The following AMBRA1 variants were observed in gnomAD, a reference collection of about 807,000 sequenced individuals.
The protein encoded by AMBRA1 is autophagy and beclin 1 regulator 1.
AMBRA1 carries 47 observed loss-of-function variants against 125.4 expected under a neutral mutation model. The ratio of observed to expected loss-of-function variants is 0.37; its 90% confidence interval spans 0.30 to 0.48. The LOEUF is 0.48. Among genes scored for constraint, AMBRA1 ranks in the 20% least tolerant of loss-of-function variants. The pLI is 0.99. For missense variants in AMBRA1, 1,331 were observed against 1,693.4 expected (o/e 0.79, Z 3.76); for synonymous variants, 626 against 655.5 (o/e 0.95, Z 0.69).
At chr11:46,567,367 C>T (rs946592251) in intron 1 of AMBRA1, among the ~76,000 whole-genome samples, 1 of 150,734 alleles carries the variant, frequency 6.6e-6, no homozygotes, top group Non-Finnish European at 1.5e-5. Flanking sequence ...CCACCAAGCA[C>T]GGCCTTATTT....
intron 11 of AMBRA1, among the ~76,000 whole-genome samples, chr11:46,489,764 T>C (rs1450519089): frequency 6.6e-6 from 1 of 152,208 alleles, no homozygotes; most frequent in Non-Finnish European, 1.5e-5. Flanking sequence ...CAGGAAGCTG[T>C]CAAATGCCAA....
chr11:46,398,052 TAGAG>T (rs1251101281), intron 17 of AMBRA1, 109 bp from the exon 18 acceptor site: 23 of 1,396,332 alleles, frequency 1.6e-5, no homozygotes, highest in Admixed American at 2.5e-5. Context: ...AAACGCAGGA[TAGAG>T]AAAGACTCGC....
intron 1 of AMBRA1, among the ~76,000 whole-genome samples, chr11:46,558,548 CAAAAAAAA>C (rs58748629): frequency 2.6e-5 from 1 of 38,740 alleles, no homozygotes; most frequent in Non-Finnish European, 5.2e-5. Flanking sequence ...GACTCCCTCT[CAAAAAAAA>C]AAAAAAAAAA....
At chr11:46,457,391 C>T (rs536404231) in intron 11 of AMBRA1, among the ~76,000 whole-genome samples, 2 of 152,300 alleles carry the variant, frequency 1.3e-5, no homozygotes, top group Non-Finnish European at 2.9e-5. Context: ...AACACTCAGT[C>T]CAACTTCACA....
At chr11:46,473,949 C>G (rs927158553) in intron 11 of AMBRA1, among the ~76,000 whole-genome samples, 6 of 152,200 alleles carry the variant, frequency 3.9e-5, no homozygotes, top group Non-Finnish European at 5.9e-5. Context: ...CGCACCCGGA[C>G]AGGATCCTTT....
At chr11:46,564,335 A>T (rs1347160078) in intron 1 of AMBRA1, among the ~76,000 whole-genome samples, 5 of 152,096 alleles carry the variant, frequency 3.3e-5, no homozygotes, top group Non-Finnish European at 5.9e-5. Flanking sequence ...TCTAATATTC[A>T]TTGAACATTT....
intron 11 of AMBRA1, among the ~76,000 whole-genome samples, chr11:46,447,714 AG>A (rs1948366021): frequency 2.5e-3 from 1 of 396 alleles, no homozygotes; most frequent in African/African-American, 4.6e-3. Flanking sequence ...TCTTGTAGAT[AG>A]ATAGATAGAT....
At chr11:46,505,528 G>A (rs1408889587) in intron 9 of AMBRA1, among the ~76,000 whole-genome samples, 1 of 152,178 alleles carries the variant, frequency 6.6e-6, no homozygotes, top group Non-Finnish European at 1.5e-5. Context: ...AAACACCCCA[G>A]AAGGGACTTT....
intron 11 of AMBRA1, among the ~76,000 whole-genome samples, chr11:46,478,648 CTTTTTTTTTTTTTT>C (rs11449187): frequency 1.2e-5 from 1 of 82,156 alleles, no homozygotes; most frequent in African/African-American, 5.0e-5. Flanking sequence ...TCTTTTTTCT[CTTTTTTTTTTTTTT>C]TTTTTTTTGG....
intron 1 of AMBRA1, among the ~76,000 whole-genome samples, chr11:46,589,875 G>A (rs951800956): frequency 6.6e-6 from 1 of 151,310 alleles, no homozygotes; most frequent in South Asian, 2.1e-4. Context: ...ACCCACCTTC[G>A]CCTCCCAAAG....
chr11:46,539,103 G>A (rs1295532686), intron 7 of AMBRA1, among the ~76,000 whole-genome samples: 3 of 151,682 alleles, frequency 2.0e-5, no homozygotes, highest in Admixed American at 6.6e-5. Context: ...GGTGCCGGGA[G>A]CAGACGGAAT....
At chr11:46,578,946 G>A (rs1051009671) in intron 1 of AMBRA1, among the ~76,000 whole-genome samples, 2 of 123,366 alleles carry the variant, frequency 1.6e-5, no homozygotes, top group African/African-American at 6.2e-5. Context: ...TATACATTCA[G>A]TACATAGAAA....
chr11:46,548,189 G>T, intron 2 of AMBRA1, 57 bp downstream of exon 2: 9 of 1,608,620 alleles, frequency 5.6e-6, no homozygotes, highest in Non-Finnish European at 7.6e-6. Flanking sequence ...CCATTCTAAG[G>T]TCTCATTCTA....
chr11:46,578,882 C>CAA (rs71042607), intron 1 of AMBRA1, among the ~76,000 whole-genome samples: 13 of 24,478 alleles, frequency 5.3e-4, no homozygotes, highest in African/African-American at 2.3e-3. Flanking sequence ...GACTCAGTCT[C>CAA]AAAAAAAAAA....
At position 46,527,640 on chromosome 11, in the gene AMBRA1, A is replaced by G. The variant is rs942663922; in HGVS notation, c.2072+14305T>C. Reference sequence around the variant, plus strand: ...ATAACCATACTAAACAATGGGCCAAAGACTTGCATGCACATTTCTCTAATA... The same window carrying G: ...ATAACCATACTAAACAATGGGCCAAGGACTTGCATGCACATTTCTCTAATA... On this transcript the variant is annotated intron_variant, in intron 7 of 17. Coordinates refer to ENST00000683756, the MANE Select transcript of AMBRA1 (RefSeq NM_001387011.1). Among the ~76,000 whole-genome samples the G allele has an allele frequency of 3.3e-5, 5 of 152,268 alleles. No individual in the cohort carries two copies. In the East Asian group the frequency reaches 9.6e-4, roughly 29 times the overall value.
At position 46,495,020 on chromosome 11, in the gene AMBRA1, A is replaced by G. The variant is rs543033090; in HGVS notation, c.2340-816T>C. On this transcript the variant is annotated intron_variant, in intron 9 of 17. Coordinates refer to ENST00000683756, the MANE Select transcript of AMBRA1 (RefSeq NM_001387011.1). ...GACCAGAGAGGTAAATACCATGGTC[A>G]CATAACTAGTAAGTGGTTAAGGCAG... 3 of 152,376 alleles carry G rather than the reference A, an allele frequency of 2.0e-5. 1 individual carries two copies. The East Asian group carries it at 5.8e-4, about 29-fold the overall frequency. The allele number at this position is 152,376 out of a possible 1,614,324, so 9.4% of individuals were successfully genotyped here. A position where few individuals can be genotyped will look rare whatever the true frequency, so the allele number is the denominator to read the frequency against.
intron 1 of AMBRA1, among the ~76,000 whole-genome samples, chr11:46,573,101 CAA>C (rs36105565): frequency 1.2e-4 from 14 of 117,710 alleles, no homozygotes; most frequent in Non-Finnish European, 1.4e-4. Context: ...AACTCTGTCT[CAA>C]AAAAAAAAAA....
At chr11:46,437,952 A>G (rs900332363) in intron 12 of AMBRA1, among the ~76,000 whole-genome samples, 4 of 152,314 alleles carry the variant, frequency 2.6e-5, no homozygotes, top group Admixed American at 2.0e-4. Context: ...ACTCACCAGG[A>G]GGGCATATTA....
chr11:46,521,983 A>C (rs1591022279), intron 7 of AMBRA1, among the ~76,000 whole-genome samples: 1 of 152,204 alleles, frequency 6.6e-6, no homozygotes, highest in African/African-American at 2.4e-5. Flanking sequence ...ACGCTTAAAA[A>C]CATCTTTACA....
Sources: gnomAD v4.1 joint callset for allele counts (sites outside exome capture counted in the v4.1 genomes callset) on GRCh38, gnomAD v4.1.1 for gene constraint, MANE v1.5 for transcripts, NCBI Gene and HGNC (gene_info 2026-07-23, HGNC 2026-07-21) for gene names.